The following SH3PXD2B variants were observed in gnomAD, a reference collection of about 807,000 sequenced individuals.
The protein encoded by SH3PXD2B is SH3 and PX domain-containing protein 2B.
In SH3PXD2B, 37 loss-of-function variants were observed where a neutral mutation model predicts 73.1. That is an observed-to-expected ratio of 0.51 (90% CI 0.39 to 0.67). SH3PXD2B has a LOEUF of 0.67. SH3PXD2B is among the 30% of genes least tolerant of loss of function. SH3PXD2B has a pLI of 0.00. For missense variants in SH3PXD2B, 1,053 were observed against 1,197.8 expected, an observed-to-expected ratio of 0.88 and a Z score of 1.78; for synonymous variants, 457 against 480.5, an observed-to-expected ratio of 0.95 and a Z score of 0.64.
chr5:172,383,456 G>A (rs1395496004), intron 4 of SH3PXD2B, among the ~76,000 whole-genome samples: 1 of 152,240 alleles, frequency 6.6e-6, no homozygotes, highest in Non-Finnish European at 1.5e-5. Flanking sequence ...CAACAGAAGT[G>A]CAGGGTACAC....
intron 1 of SH3PXD2B, among the ~76,000 whole-genome samples, chr5:172,428,350 G>A (rs550802809): frequency 2.0e-5 from 3 of 152,318 alleles, no homozygotes; most frequent in South Asian, 2.1e-4. Context: ...TGCCACTAAC[G>A]AGGCAAAGTG....
At chr5:172,369,321 T>C (rs1304572897) in intron 6 of SH3PXD2B, among the ~76,000 whole-genome samples, 2 of 151,960 alleles carry the variant, frequency 1.3e-5, no homozygotes, top group Admixed American at 1.3e-4. Context: ...ATTATTATTA[T>C]TGGTGGTAGT....
At chr5:172,391,892 C>T (rs1463933520) in intron 4 of SH3PXD2B, among the ~76,000 whole-genome samples, 1 of 152,220 alleles carries the variant, frequency 6.6e-6, no homozygotes, top group Non-Finnish European at 1.5e-5. Context: ...CTCTGCCCAA[C>T]TCAAGGTCGT....
At chr5:172,387,280 G>C (rs1758081542) in intron 4 of SH3PXD2B, among the ~76,000 whole-genome samples, 1 of 152,228 alleles carries the variant, frequency 6.6e-6, no homozygotes, top group Non-Finnish European at 1.5e-5. Context: ...CATTGAGAAT[G>C]AACACTGGTG....
At chr5:172,403,249 T>C (rs1212001324) in intron 3 of SH3PXD2B, among the ~76,000 whole-genome samples, 1 of 152,238 alleles carries the variant, frequency 6.6e-6, no homozygotes, top group African/African-American at 2.4e-5. Context: ...CTCTGCCAAG[T>C]TGGCTTCCCC....
rs1249435906 is a variant in SH3PXD2B at position 172,339,013 on chromosome 5, G to A, written c.2092C>T (p.Arg698Ter). ...GGCCCCTCTCCTGGGAGGAAGCTTC[G>A]GCTGAAGGCCACGTCTTGGCCCCCT... ...AVGGQDVAFS[R>*]SFLPGEGPGR... is the part of the protein sequence containing the mutation. The change falls in exon 13 of 13, where the codon CGA (arginine) becomes TGA (stop). Residue 698 changes from arginine to a stop codon, truncating the protein, a stop_gained. Coordinates refer to ENST00000311601, the MANE Select transcript of SH3PXD2B (RefSeq NM_001017995.3). LOFTEE classifies it low-confidence loss of function (END_TRUNC). The surrounding 1 kb of genome is among the most constrained non-coding windows in gnomAD (Gnocchi z 6.1). 5 of 1,614,044 alleles carry A rather than the reference G, an allele frequency of 3.1e-6. No homozygotes were observed. Among genetic ancestry groups the A allele is most frequent in the African/African-American group, 1.3e-5 (1 of 75,040 alleles).
intron 12 of SH3PXD2B, 106 bp from the exon 13 acceptor site, chr5:172,340,022 T>C: frequency 6.4e-7 from 1 of 1,559,278 alleles, no homozygotes; most frequent in South Asian, 1.2e-5. Context: ...GCTGTCACTG[T>C]GTACTCAGCA....
chr5:172,340,867 T>C (rs1291026098), intron 12 of SH3PXD2B, among the ~76,000 whole-genome samples: 2 of 152,170 alleles, frequency 1.3e-5, no homozygotes, highest in Non-Finnish European at 2.9e-5. Flanking sequence ...AGTTCTGGGA[T>C]TACAGGTGTG....
chr5:172,369,698 G>A (rs890873478), intron 6 of SH3PXD2B, among the ~76,000 whole-genome samples: 2 of 152,096 alleles, frequency 1.3e-5, no homozygotes, highest in Non-Finnish European at 1.5e-5. Flanking sequence ...AACCCGGGAG[G>A]TGGAGGTTGC....
chr5:172,404,308 A>G (rs1389773657), intron 3 of SH3PXD2B, among the ~76,000 whole-genome samples: 1 of 150,630 alleles, frequency 6.6e-6, no homozygotes, highest in African/African-American at 2.4e-5. Context: ...AAAGATATAT[A>G]TATATATATT....
Position 172,335,793 on chromosome 5 carries a change from GAA to G in SH3PXD2B, c.*2574_*2575del. On this transcript the variant is annotated 3_prime_UTR_variant, in exon 13 of 13. Coordinates refer to ENST00000311601, the MANE Select transcript of SH3PXD2B (RefSeq NM_001017995.3). The stretch of plus-strand genomic sequence containing the variant: ...CACCCTGACCCACCCACTGCCTGGG[GAA>G]GTGTCTACCATTGTAGGAAAAGGAG... The G allele has an allele frequency of 8.1e-7, 1 of 1,230,258 alleles. No individual in the cohort carries two copies. Among genetic ancestry groups the G allele is most frequent in the East Asian group, 3.2e-5 (1 of 31,634 alleles). 76.2% of individuals were successfully genotyped at this position (1,230,258 alleles called of 1,614,324 possible).
At chr5:172,448,023 C>G (rs963433003) in intron 1 of SH3PXD2B, among the ~76,000 whole-genome samples, 4 of 152,196 alleles carry the variant, frequency 2.6e-5, no homozygotes, top group African/African-American at 9.7e-5. Flanking sequence ...CTACTTTTTC[C>G]CAATCCAAAG....
rs1757427192 is a variant in SH3PXD2B, at chr5:172,362,721, G to A, written c.562+14C>T. 6.2e-7 allele frequency: 1 copy of A among 1,614,038 alleles called. No homozygotes were observed. The highest frequency in any genetic ancestry group is 8.5e-7 in the Non-Finnish European group (1 of 1,180,008). ...GGCAGGGTAGTGGGAGAGGGAGATG[G>A]TCTAGGTCCCCACCTGACTCATTCT... On this transcript the variant is annotated intron_variant, in intron 7 of 12. Coordinates refer to ENST00000311601, the MANE Select transcript of SH3PXD2B (RefSeq NM_001017995.3).
intron 2 of SH3PXD2B, among the ~76,000 whole-genome samples, chr5:172,416,383 C>G (rs993225959): frequency 6.6e-6 from 1 of 150,780 alleles, no homozygotes; most frequent in Non-Finnish European, 1.5e-5. Flanking sequence ...AGCTGGAGTG[C>G]AGTGCACGAT....
In SH3PXD2B at chr5:172,454,287, GT is replaced by G; in HGVS notation, c.65del (p.Asn22ThrfsTer74). On this transcript the variant is annotated frameshift_variant, in exon 1 of 13. Transcript: ENST00000311601. LOFTEE classifies it high-confidence loss of function. ...VLDVQKRRVP[N>X]KHYVYIIRVT... ...GCCGCGCCGCACTCACATAATGCTT[GT>G]TGGGCACCCGCCGCTTCTGCACGTC... 1 of 1,596,208 alleles carries G rather than the reference GT, an allele frequency of 6.3e-7. No individual in the cohort carries two copies. Among genetic ancestry groups the G allele is most frequent in the Non-Finnish European group, 8.5e-7 (1 of 1,174,812 alleles).
chr5:172,390,656 T>C (rs1464158238), intron 4 of SH3PXD2B, among the ~76,000 whole-genome samples: 2 of 152,242 alleles, frequency 1.3e-5, no homozygotes, highest in Non-Finnish European at 2.9e-5. Flanking sequence ...TTCCAGTTGT[T>C]GGCTATTATG....
chr5:172,400,816 A>G (rs1214003353), intron 3 of SH3PXD2B, among the ~76,000 whole-genome samples: 1 of 152,214 alleles, frequency 6.6e-6, no homozygotes, highest in Non-Finnish European at 1.5e-5. Context: ...GACTCCAGGG[A>G]AAGTGTAATG....
intron 6 of SH3PXD2B, among the ~76,000 whole-genome samples, chr5:172,369,145 T>C (rs557326048): frequency 6.6e-6 from 1 of 151,642 alleles, no homozygotes; most frequent in Admixed American, 6.6e-5. Flanking sequence ...TCTGCCCACC[T>C]TGGCCTCCCA....
Position 172,335,161 on chromosome 5 carries a change from G to C in SH3PXD2B, c.*3208C>G, listed in dbSNP as rs1242836941. The C allele has an allele frequency of 1.0e-6, 1 of 990,350 alleles. No individual in the cohort carries two copies. Among genetic ancestry groups the C allele is most frequent in the East Asian group, 1.1e-4 (1 of 9,106 alleles). The allele number at this position is 990,350 out of a possible 1,614,324, so 61.3% of individuals were successfully genotyped here. A position where few individuals can be genotyped will look rare whatever the true frequency, so the allele number is the denominator to read the frequency against. On this transcript the variant is annotated 3_prime_UTR_variant, in exon 13 of 13. Transcript: ENST00000311601. ...ACTCAGGGTTTTCCAAATTTTTGGA[G>C]GTACCGCAAGCTGTCCGTTTGCCCT...
Sources: allele counts gnomAD v4.1 joint callset (sites outside exome capture counted in the v4.1 genomes callset), GRCh38; gene constraint gnomAD v4.1.1; non-coding constraint Gnocchi (gnomAD v3.1); transcripts MANE v1.5; gene names NCBI Gene and HGNC (gene_info 2026-07-23, HGNC 2026-07-21).